TMEM132D: variants seen among roughly 807,000 people sequenced by gnomAD.
TMEM132D encodes mature OL transmembrane protein.
TMEM132D carries 21 observed loss-of-function variants against 62.3 expected under a neutral mutation model. The observed-to-expected ratio is 0.34, with a 90% CI of 0.24 to 0.49. The LOEUF (loss-of-function observed/expected upper bound fraction) is 0.49, where lower values mean the gene tolerates loss of function less well. Ranked by LOEUF, TMEM132D falls within the 20% of genes least tolerant of loss-of-function variation. The probability of loss-of-function intolerance (pLI) is 0.99; values close to 1 mark genes in which losing one functional copy is unlikely to be tolerated. For synonymous variants in TMEM132D, 621 were observed against 575.6 expected (o/e 1.08, Z -1.13); for missense variants, 1,346 against 1,402.8 (o/e 0.96, Z 0.65).
chr12:129,397,622 T>C (rs1488998790), intron 3 of TMEM132D, among the ~76,000 whole-genome samples: 1 of 152,190 alleles, frequency 6.6e-6, no homozygotes, highest in East Asian at 1.9e-4. Context: ...ATGGTATCTT[T>C]CTATTTCTTC....
At chr12:129,730,698 C>T (rs769659854) in intron 1 of TMEM132D, among the ~76,000 whole-genome samples, 2 of 151,926 alleles carry the variant, frequency 1.3e-5, no homozygotes, top group South Asian at 2.1e-4. Flanking sequence ...CCCTCATTCT[C>T]GGTGGGCACC....
chr12:129,777,672 T>C (rs1870983368), intron 1 of TMEM132D, among the ~76,000 whole-genome samples: 2 of 152,180 alleles, frequency 1.3e-5, no homozygotes, highest in Non-Finnish European at 1.5e-5. Flanking sequence ...GTGGACTTTA[T>C]AGTACAACTC....
At chr12:129,505,116 T>C (rs1875289542) in intron 3 of TMEM132D, among the ~76,000 whole-genome samples, 1 of 152,176 alleles carries the variant, frequency 6.6e-6, no homozygotes. Flanking sequence ...TTATTGAGGC[T>C]TGTTTTGTGG....
intron 1 of TMEM132D, among the ~76,000 whole-genome samples, chr12:129,722,472 T>C (rs935835): frequency 0.83 from 125,787 of 152,178 alleles, 52,516 homozygotes; most frequent in Non-Finnish European, 0.9. Context: ...CGAAGAACAC[T>C]GAACATCTTC....
intron 2 of TMEM132D, among the ~76,000 whole-genome samples, chr12:129,538,448 A>G (rs1876469776): frequency 6.6e-6 from 1 of 152,216 alleles, no homozygotes; most frequent in Non-Finnish European, 1.5e-5. Flanking sequence ...ACAGCTGTGC[A>G]CAGTAGCTGT....
chr12:129,739,946 G>A (rs1295767732), intron 1 of TMEM132D, among the ~76,000 whole-genome samples: 1 of 152,110 alleles, frequency 6.6e-6, no homozygotes, highest in Non-Finnish European at 1.5e-5. Flanking sequence ...TAAAAATAAT[G>A]AGCCTTTGTC....
intron 1 of TMEM132D, among the ~76,000 whole-genome samples, chr12:129,816,414 G>C (rs564598045): frequency 6.6e-6 from 1 of 152,102 alleles, no homozygotes; most frequent in Non-Finnish European, 1.5e-5. Context: ...CTCCGTATGC[G>C]AGATCACCAT....
At position 129,436,102 on chromosome 12, in the gene TMEM132D, C is replaced by T. The variant is rs149219561; in HGVS notation, c.1115+94957G>A. 3.1e-3 allele frequency among the ~76,000 whole-genome samples: 471 copies of T among 152,202 alleles called. 2 individuals are homozygous for T. The highest frequency in any genetic ancestry group is 0.011 in the African/African-American group (449 of 41,514). On this transcript the variant is annotated intron_variant, in intron 3 of 8. Transcript: ENST00000422113. ...AGTGCAGCTGTGAGGGTCGGAGCCA[C>T]GGCAGCTATCTTGAGGGCACGTGGA...
chr12:129,544,813 T>A (rs1876686275), intron 2 of TMEM132D, among the ~76,000 whole-genome samples: 1 of 152,242 alleles, frequency 6.6e-6, no homozygotes, highest in African/African-American at 2.4e-5. Flanking sequence ...AGATTAAAAG[T>A]AACACTTATC....
chr12:129,882,015 T>A (rs1874612028), intron 1 of TMEM132D, among the ~76,000 whole-genome samples: 2 of 152,056 alleles, frequency 1.3e-5, no homozygotes, highest in African/African-American at 4.8e-5. Context: ...TTCTATCTAT[T>A]TGACAATGTA....
chr12:129,390,799 C>T (rs116214700), intron 3 of TMEM132D, among the ~76,000 whole-genome samples: 1,988 of 152,256 alleles, frequency 0.013, 39 homozygotes, highest in African/African-American at 0.045. Context: ...GGAGAGGAGG[C>T]CTCAGGAGTG....
intron 3 of TMEM132D, among the ~76,000 whole-genome samples, chr12:129,494,348 T>G (rs1243841479): frequency 6.6e-6 from 1 of 152,016 alleles, no homozygotes; most frequent in Non-Finnish European, 1.5e-5. Context: ...GATCAGAAAA[T>G]CTCTGGCTCT....
chr12:129,121,560 T>G (rs1440057502), intron 5 of TMEM132D, among the ~76,000 whole-genome samples: 1 of 152,140 alleles, frequency 6.6e-6, no homozygotes, highest in African/African-American at 2.4e-5. Context: ...AACCCACTGT[T>G]GCTGGATTTG....
chr12:129,689,012 C>T (rs571991971), intron 2 of TMEM132D, among the ~76,000 whole-genome samples: 5 of 152,232 alleles, frequency 3.3e-5, no homozygotes, highest in Admixed American at 2.0e-4. Flanking sequence ...TGGGTGGTAG[C>T]AGTTAACAGG....
chr12:129,708,628 A>AAC (rs1881561860), intron 1 of TMEM132D, among the ~76,000 whole-genome samples: 1 of 86,674 alleles, frequency 1.2e-5, no homozygotes, highest in Admixed American at 1.2e-4. Flanking sequence ...AAAAAAAAAA[A>AAC]AAACACACAC....
rs144705626 is a variant in TMEM132D, at chr12:129,581,496, C to T, written c.969-50291G>A. ...TTAGGGAAGCCGACAGTGCAGCCTT[C>T]AGTCTGTGGCCAAAGGCCTGAGAGC... On this transcript the variant is annotated intron_variant, in intron 2 of 8. Coordinates refer to ENST00000422113, the MANE Select transcript of TMEM132D (RefSeq NM_133448.3). Among the ~76,000 whole-genome samples, 1,270 of 152,312 alleles carry T rather than the reference C, an allele frequency of 8.3e-3. 26 individuals carry two copies. The highest frequency in any genetic ancestry group is 0.029 in the African/African-American group (1,185 of 41,552).
chr12:129,447,474 C>T (rs1319966722), intron 3 of TMEM132D, among the ~76,000 whole-genome samples: 1 of 152,168 alleles, frequency 6.6e-6, no homozygotes, highest in Non-Finnish European at 1.5e-5. Flanking sequence ...ATCCTAACTA[C>T]ATACTGCCTG....
Position 129,389,095 on chromosome 12 carries a change from AC to A in TMEM132D, c.1116-51279del, listed in dbSNP as rs1039742726. On this transcript the variant is annotated intron_variant, in intron 3 of 8. Transcript: ENST00000422113. ...CACTAACACCGACACCAATGCTAAC[AC>A]CGACACCAATCCAGCACTGATGATA... is the stretch of plus-strand genomic sequence containing the variant. Among the ~76,000 whole-genome samples the A allele has an allele frequency of 1.5e-5, 2 of 129,742 alleles. 1 individual carries two copies. The highest frequency in any genetic ancestry group is 5.6e-5 in the African/African-American group (2 of 35,950). 85.1% of individuals were successfully genotyped at this position (129,742 alleles called of 152,430 possible).
chr12:129,543,994 A>C (rs1024308867), intron 2 of TMEM132D, among the ~76,000 whole-genome samples: 3 of 152,166 alleles, frequency 2.0e-5, no homozygotes, highest in Admixed American at 6.5e-5. Flanking sequence ...GTGTAGGATA[A>C]ATTCTTAAAA....
Sources: gnomAD v4.1 joint callset for allele counts (sites outside exome capture counted in the v4.1 genomes callset) on GRCh38, gnomAD v4.1.1 for gene constraint, MANE v1.5 for transcripts, NCBI Gene and HGNC (gene_info 2026-07-23, HGNC 2026-07-21) for gene names.